TRAPPC9: variants seen among roughly 807,000 people sequenced by gnomAD.
TRAPPC9 encodes IKK2 binding protein.
Under a neutral mutation model 124.0 loss-of-function variants are expected in TRAPPC9, and 83 were observed. The ratio of observed to expected loss-of-function variants is 0.67; its 90% CI spans 0.56 to 0.80. The LOEUF (loss-of-function observed/expected upper bound fraction) is 0.80, where lower values mean the gene tolerates loss of function less well. Ranked by LOEUF, TRAPPC9 falls within the 30% of genes least tolerant of loss-of-function variation. The pLI is 0.00. For missense variants in TRAPPC9, 1,302 were observed against 1,508.3 expected, an observed-to-expected ratio of 0.86 and a Z score of 2.27; for synonymous variants, 638 against 617.5, an observed-to-expected ratio of 1.03 and a Z score of -0.49.
chr8:140,435,512 C>T (rs2070783023), intron 3 of TRAPPC9, among the ~76,000 whole-genome samples: 1 of 152,206 alleles, frequency 6.6e-6, no homozygotes, highest in South Asian at 2.1e-4. Flanking sequence ...TCAAGGTTTC[C>T]CTGCAGGGCT....
intron 6 of TRAPPC9, among the ~76,000 whole-genome samples, chr8:140,404,823 TG>T (rs1376629853): frequency 1.3e-5 from 2 of 151,754 alleles, no homozygotes; most frequent in Admixed American, 6.6e-5. Flanking sequence ...TGTATGTGCA[TG>T]TGTGTGAGCA....
intron 14 of TRAPPC9, among the ~76,000 whole-genome samples, chr8:140,279,352 C>A (rs374419342): frequency 6.6e-6 from 1 of 151,922 alleles, no homozygotes; most frequent in African/African-American, 2.4e-5. Flanking sequence ...TGGTAGGTGT[C>A]GATAAACGTT....
chr8:139,917,529 A>G (rs987121445), intron 19 of TRAPPC9, among the ~76,000 whole-genome samples: 1 of 152,132 alleles, frequency 6.6e-6, no homozygotes, highest in Non-Finnish European at 1.5e-5. Flanking sequence ...TTGAAAGTCA[A>G]AGCTCTAGGT....
chr8:139,854,672 C>T (rs543932958), intron 21 of TRAPPC9, among the ~76,000 whole-genome samples: 2 of 152,354 alleles, frequency 1.3e-5, no homozygotes, highest in South Asian at 2.1e-4. Context: ...CGCCTGCACA[C>T]GTAAAATCCT....
chr8:139,970,043 C>T (rs1835963404), intron 19 of TRAPPC9, among the ~76,000 whole-genome samples: 1 of 152,190 alleles, frequency 6.6e-6, no homozygotes, highest in Non-Finnish European at 1.5e-5. Flanking sequence ...GGAAAGACAG[C>T]AATTTTTCTT....
rs369390701 is a variant in TRAPPC9, at chr8:140,221,491, T to C, written c.2524A>G (p.Ser842Gly). ...TGGCTGTAGTCGCCTGCTTTGTTGC[T>C]CTCGGGTGGGTTCACAGGTTTGCCC... ...VEGKPVNPPE[S>G]NKAGDYSHVK... Residue 842 changes from serine to glycine, a missense_variant, in exon 17 of 23, where the codon AGC becomes GGC. Ser to Gly is a moderately conservative substitution (Grantham distance 56). Transcript: ENST00000438773. 6.2e-7 allele frequency: 1 copy of C among 1,614,086 alleles called. No individual in the cohort carries two copies. The highest frequency in any genetic ancestry group is 8.5e-7 in the Non-Finnish European group (1 of 1,180,006).
chr8:139,995,037 T>C (rs1837879042), intron 18 of TRAPPC9, among the ~76,000 whole-genome samples: 3 of 152,000 alleles, frequency 2.0e-5, no homozygotes, highest in Non-Finnish European at 4.4e-5. Flanking sequence ...AAGCACAATC[T>C]ACCCTGTCTC....
At chr8:140,164,326 C>T (rs1270450612) in intron 17 of TRAPPC9, among the ~76,000 whole-genome samples, 1 of 152,232 alleles carries the variant, frequency 6.6e-6, no homozygotes, top group African/African-American at 2.4e-5. Context: ...TTTCCTAAGT[C>T]GTCAACAAAT....
intron 21 of TRAPPC9, among the ~76,000 whole-genome samples, chr8:139,775,461 G>A (rs1821290051): frequency 6.6e-6 from 1 of 152,240 alleles, no homozygotes; most frequent in South Asian, 2.1e-4. Context: ...GGCCTGGGCT[G>A]GGCCCAGAGC....
At chr8:140,012,177 G>A (rs551493177) in intron 18 of TRAPPC9, among the ~76,000 whole-genome samples, 119 of 152,264 alleles carry the variant, frequency 7.8e-4, no homozygotes, top group African/African-American at 2.7e-3. Flanking sequence ...GGGAAAAAAC[G>A]TATTATTTTA....
At chr8:139,770,092 C>G (rs1047008297) in intron 21 of TRAPPC9, among the ~76,000 whole-genome samples, 4 of 152,240 alleles carry the variant, frequency 2.6e-5, no homozygotes, top group African/African-American at 9.6e-5. Context: ...CAGACACCAG[C>G]GAAAGCCCAA....
At chr8:139,824,162 G>C (rs1361772238) in intron 21 of TRAPPC9, among the ~76,000 whole-genome samples, 1 of 152,234 alleles carries the variant, frequency 6.6e-6, no homozygotes. Context: ...ATTAAAGAAA[G>C]TGGTCAGGTC....
chr8:140,350,786 G>A (rs1007537981), intron 9 of TRAPPC9, among the ~76,000 whole-genome samples: 8 of 152,154 alleles, frequency 5.3e-5, no homozygotes, highest in Non-Finnish European at 1.0e-4. Flanking sequence ...GGGAGCAGAC[G>A]AGAAAGTAAG....
At chr8:140,205,931 C>T (rs972509438) in intron 17 of TRAPPC9, among the ~76,000 whole-genome samples, 4 of 152,222 alleles carry the variant, frequency 2.6e-5, no homozygotes, top group Non-Finnish European at 5.9e-5. Context: ...CCCCCTCATC[C>T]TCAGTCTTAT....
chr8:140,165,441 A>G (rs2061818579), intron 17 of TRAPPC9, among the ~76,000 whole-genome samples: 1 of 151,436 alleles, frequency 6.6e-6, no homozygotes, highest in Admixed American at 6.6e-5. Context: ...CGGGAGGTTG[A>G]GGCAGGAGAA....
intron 21 of TRAPPC9, among the ~76,000 whole-genome samples, chr8:139,834,063 G>C (rs1826167060): frequency 6.6e-6 from 1 of 152,212 alleles, no homozygotes; most frequent in Admixed American, 6.5e-5. Flanking sequence ...GGAGCCCTGT[G>C]TGGGCCTCTG....
At chr8:139,858,790 G>A (rs1049702321) in intron 21 of TRAPPC9, among the ~76,000 whole-genome samples, 15 of 151,578 alleles carry the variant, frequency 9.9e-5, no homozygotes, top group African/African-American at 1.9e-4. Flanking sequence ...GGCCAGAGCC[G>A]ACAAGTAGCC....
intron 17 of TRAPPC9, among the ~76,000 whole-genome samples, chr8:140,024,407 T>A (rs1840002238): frequency 6.6e-6 from 1 of 151,868 alleles, no homozygotes; most frequent in African/African-American, 2.4e-5. Context: ...GTTTCTTTTT[T>A]TTTTTTTTGG....
chr8:140,349,395 T>A (rs71513617), intron 9 of TRAPPC9, among the ~76,000 whole-genome samples: 5,379 of 42,062 alleles, frequency 0.13, 269 homozygotes, highest in Middle Eastern at 0.28. Context: ...GCGGGGCCGA[T>A]GGGGGCGCGC....
Sources: gnomAD v4.1 joint callset for allele counts (sites outside exome capture counted in the v4.1 genomes callset) on GRCh38, gnomAD v4.1.1 for gene constraint, MANE v1.5 for transcripts, NCBI Gene and HGNC (gene_info 2026-07-23, HGNC 2026-07-21) for gene names.